CDH19: variants seen among roughly 807,000 people sequenced by gnomAD.
CDH19 encodes the protein cadherin-19.
CDH19 carries 67 observed loss-of-function variants against 64.2 expected under a neutral mutation model. The observed-to-expected ratio is 1.04, with a 90% CI of 0.86 to 1.28. CDH19 has a LOEUF of 1.28. Ranked by LOEUF, CDH19 falls within the 50% of genes most tolerant of loss-of-function variation. The probability of loss-of-function intolerance (pLI) is 0.00; values close to 1 mark genes in which losing one functional copy is unlikely to be tolerated. For missense variants in CDH19, 1,030 were observed against 929.0 expected, an observed-to-expected ratio of 1.11 and a Z score of -1.41; for synonymous variants, 346 against 319.3, an observed-to-expected ratio of 1.08 and a Z score of -0.89.
intron 7 of CDH19, among the ~76,000 whole-genome samples, chr18:66,538,961 T>TCTA (rs1377941588): frequency 6.6e-6 from 1 of 152,106 alleles, no homozygotes; most frequent in Non-Finnish European, 1.5e-5. Flanking sequence ...CCACAATTAC[T>TCTA]CTATTTCTTA....
intron 1 of CDH19, among the ~76,000 whole-genome samples, chr18:66,595,779 A>C (rs139924208): frequency 0.026 from 3,889 of 152,182 alleles, 134 homozygotes; most frequent in African/African-American, 0.075. Flanking sequence ...CTATTTCAAA[A>C]ATTTGAGGAG....
In CDH19 at chr18:66,504,574, T is replaced by C. The variant is rs1985088830; in HGVS notation, c.*238A>G. ...TTAATATCTTCCTAAATTATTTTAC[T>C]TCAAATCTGGTTGTATTGATGCCTG... On this transcript the variant is annotated 3_prime_UTR_variant, in exon 12 of 12. Transcript: ENST00000262150. 2.6e-6 allele frequency: 1 copy of C among 391,454 alleles called. No homozygotes were observed. The allele number at this position is 391,454 out of a possible 1,614,324, so 24.2% of individuals were successfully genotyped here. A position where few individuals can be genotyped will look rare whatever the true frequency, so the allele number is the denominator to read the frequency against.
At chr18:66,516,545 C>A (rs1985747242) in intron 9 of CDH19, among the ~76,000 whole-genome samples, 1 of 151,918 alleles carries the variant, frequency 6.6e-6, no homozygotes, top group Admixed American at 6.6e-5. Flanking sequence ...GAAGATGTCA[C>A]CAAAGTAATG....
At chr18:66,530,443 A>T (rs1986399665) in intron 8 of CDH19, among the ~76,000 whole-genome samples, 3 of 152,222 alleles carry the variant, frequency 2.0e-5, no homozygotes, top group East Asian at 1.9e-4. Flanking sequence ...AACAAAAAAA[A>T]TTCTGTGAAC....
intron 1 of CDH19, among the ~76,000 whole-genome samples, chr18:66,593,204 G>C (rs563026629): frequency 6.6e-6 from 1 of 151,696 alleles, no homozygotes; most frequent in Non-Finnish European, 1.5e-5. Context: ...ATAAATTCTT[G>C]TTATAAATTG....
At chr18:66,563,951 C>T (rs1480799783) in intron 3 of CDH19, among the ~76,000 whole-genome samples, 1 of 151,728 alleles carries the variant, frequency 6.6e-6, no homozygotes, top group Non-Finnish European at 1.5e-5. Flanking sequence ...ATAAATCAAA[C>T]AATATTATAT....
intron 3 of CDH19, among the ~76,000 whole-genome samples, chr18:66,559,835 T>C (rs888099346): frequency 2.0e-5 from 3 of 151,476 alleles, no homozygotes; most frequent in Admixed American, 6.6e-5. Context: ...TATAAGTAAA[T>C]AGATGAAAAT....
chr18:66,571,128 C>T (rs1436631372), intron 2 of CDH19, among the ~76,000 whole-genome samples: 1 of 151,084 alleles, frequency 6.6e-6, no homozygotes, highest in East Asian at 1.9e-4. Flanking sequence ...AATACACCCT[C>T]CTCCCTGCAC....
chr18:66,522,157 C>T (rs1986023464), intron 9 of CDH19, among the ~76,000 whole-genome samples: 1 of 151,330 alleles, frequency 6.6e-6, no homozygotes, highest in Non-Finnish European at 1.5e-5. Context: ...ACCGTGTTAG[C>T]CAGAATGGTC....
chr18:66,584,045 T>C (rs968153207), intron 1 of CDH19, among the ~76,000 whole-genome samples: 3 of 152,004 alleles, frequency 2.0e-5, no homozygotes, highest in South Asian at 4.1e-4. Flanking sequence ...CAAAATAAAC[T>C]ATTAACAGAC....
intron 1 of CDH19, among the ~76,000 whole-genome samples, chr18:66,588,464 C>CT (rs1988639890): frequency 6.6e-6 from 1 of 151,610 alleles, no homozygotes; most frequent in Non-Finnish European, 1.5e-5. Flanking sequence ...TGTGTTTGAA[C>CT]TTCATAGTGG....
At chr18:66,565,587 A>C (rs1987879935) in intron 3 of CDH19, among the ~76,000 whole-genome samples, 1 of 151,970 alleles carries the variant, frequency 6.6e-6, no homozygotes, top group Non-Finnish European at 1.5e-5. Context: ...GAAGAATTGA[A>C]GTTATATTTA....
rs753699940 is a variant in CDH19 at position 66,534,986 on chromosome 18, AT to A, written c.1335del (p.Lys445AsnfsTer4). ...TATTGGATTTCAAATGAGTACTTAC[AT>A]TTTTCTGTGGCTGTAATACTTAGGT... The part of the protein sequence containing the change: ...WYNLSITATE[K>X]YNIEQISSIP... On this transcript the variant is annotated frameshift_variant and splice_region_variant, in exon 8 of 12. Transcript: ENST00000262150. LOFTEE classifies it high-confidence loss of function. 1 of 1,452,684 alleles carries A rather than the reference AT, an allele frequency of 6.9e-7. No individual in the cohort carries two copies. Among genetic ancestry groups the A allele is most frequent in the Non-Finnish European group, 9.2e-7 (1 of 1,083,320 alleles). The allele number at this position is 1,452,684 out of a possible 1,614,324, so 90.0% of individuals were successfully genotyped here.
chr18:66,566,051 A>C (rs558723246), intron 3 of CDH19, among the ~76,000 whole-genome samples: 1 of 152,098 alleles, frequency 6.6e-6, no homozygotes, highest in East Asian at 1.9e-4. Context: ...GTGGGGCTGC[A>C]CTGATACCAT....
intron 7 of CDH19, among the ~76,000 whole-genome samples, chr18:66,540,167 A>G (rs1407224161): frequency 3.9e-5 from 6 of 152,130 alleles, no homozygotes; most frequent in Non-Finnish European, 8.8e-5. Context: ...TACTGGCTTC[A>G]TTATATTACT....
chr18:66,579,248 G>C (rs1988355547), intron 1 of CDH19, among the ~76,000 whole-genome samples: 1 of 151,962 alleles, frequency 6.6e-6, no homozygotes, highest in Admixed American at 6.6e-5. Context: ...GATGTGTTAT[G>C]ATATGACCTT....
intron 11 of CDH19, 117 bp downstream of exon 11, chr18:66,508,878 G>T: frequency 3.7e-6 from 4 of 1,089,778 alleles, no homozygotes; most frequent in Non-Finnish European, 5.2e-6. Flanking sequence ...TGCTATAATA[G>T]AATTAACTAT....
chr18:66,550,710 A>G (rs1599007037), intron 5 of CDH19, among the ~76,000 whole-genome samples: 1 of 152,240 alleles, frequency 6.6e-6, no homozygotes, highest in East Asian at 1.9e-4. Context: ...CTCCCAGCTT[A>G]CAGCCATCAA....
chr18:66,509,766 C>A (rs1047566300), intron 10 of CDH19, among the ~76,000 whole-genome samples: 2 of 151,708 alleles, frequency 1.3e-5, no homozygotes, highest in African/African-American at 4.8e-5. Context: ...AGGGAATATA[C>A]AAGACTTTCA....
Sources: allele counts gnomAD v4.1 joint callset (sites outside exome capture counted in the v4.1 genomes callset), GRCh38; gene constraint gnomAD v4.1.1; transcripts MANE v1.5; gene names NCBI Gene and HGNC (gene_info 2026-07-23, HGNC 2026-07-21).